ZNF438: variants seen among roughly 807,000 people sequenced by gnomAD.
ZNF438 encodes the protein zinc finger protein 438.
In ZNF438, 25 loss-of-function variants were observed where a neutral mutation model predicts 38.0. That is an observed-to-expected ratio of 0.66 (90% CI 0.48 to 0.92). The LOEUF is 0.92. Ranked by LOEUF, ZNF438 falls within the 40% of genes least tolerant of loss-of-function variation. The pLI is 0.00. For synonymous variants in ZNF438, 372 were observed against 364.1 expected (o/e 1.02, Z -0.25); for missense variants, 1,007 against 999.6 (o/e 1.01, Z -0.10).
intron 1 of ZNF438, among the ~76,000 whole-genome samples, chr10:30,960,580 T>G (rs2049352366): frequency 6.8e-6 from 1 of 147,054 alleles, no homozygotes; most frequent in Admixed American, 6.9e-5. Context: ...AATGTAAATG[T>G]TTATTTCTGG....
chr10:30,892,842 C>T (rs2040865357), intron 3 of ZNF438, among the ~76,000 whole-genome samples: 1 of 152,176 alleles, frequency 6.6e-6, no homozygotes, highest in Non-Finnish European at 1.5e-5. Flanking sequence ...TGAGAGTTTG[C>T]TATCTCAGCA....
At chr10:30,901,101 A>G (rs2041921087) in intron 3 of ZNF438, among the ~76,000 whole-genome samples, 1 of 152,208 alleles carries the variant, frequency 6.6e-6, no homozygotes, top group South Asian at 2.1e-4. Context: ...TACATTAGCA[A>G]TAAACACTAA....
At chr10:30,845,204 T>C (rs1242951252) in exon 6 of ZNF438, 1 of 1,614,210 alleles carries the variant, frequency 6.2e-7, no homozygotes. Flanking sequence ...TGTTGGTTCC[T>C]GACTGGGGTC....
At chr10:30,980,175 G>T (rs967197526) in intron 1 of ZNF438, among the ~76,000 whole-genome samples, 1 of 151,290 alleles carries the variant, frequency 6.6e-6, no homozygotes, top group Non-Finnish European at 1.5e-5. Flanking sequence ...TAGAACATGT[G>T]AGACAACGTT....
intron 1 of ZNF438, among the ~76,000 whole-genome samples, chr10:30,943,214 T>C (rs983080233): frequency 3.9e-5 from 6 of 152,112 alleles, no homozygotes; most frequent in African/African-American, 1.2e-4. Context: ...AGAACTTTAG[T>C]GCAGTTAGTC....
rs892212268 is a variant in ZNF438 at position 30,856,812 on chromosome 10, A to G, written c.38-6445T>C. 2.0e-4 allele frequency among the ~76,000 whole-genome samples: 31 copies of G among 152,250 alleles called. 1 individual carries two copies. The highest frequency in any genetic ancestry group is 2.0e-3 in the Admixed American group (30 of 15,292). On this transcript the variant is annotated intron_variant, in intron 4 of 5. Transcript: ENST00000413025. ...TTATTCAACAGGAATACTTAATATT[A>G]GGATCTTAAATATGGGCTGTTTTTA... is the stretch of plus-strand genomic sequence containing the variant.
intron 1 of ZNF438, among the ~76,000 whole-genome samples, chr10:30,970,929 G>C (rs1226153786): frequency 6.6e-6 from 1 of 152,168 alleles, no homozygotes; most frequent in Non-Finnish European, 1.5e-5. Flanking sequence ...CCTAAAAGTT[G>C]AGCAAGAATC....
At chr10:30,936,168 G>A (rs560354933) in intron 2 of ZNF438, among the ~76,000 whole-genome samples, 18 of 152,170 alleles carry the variant, frequency 1.2e-4, no homozygotes, top group Non-Finnish European at 2.2e-4. Flanking sequence ...TTATGACTTC[G>A]GTTTTTTTAA....
chr10:30,993,154 C>T (rs1236023226), intron 1 of ZNF438, among the ~76,000 whole-genome samples: 1 of 152,152 alleles, frequency 6.6e-6, no homozygotes, highest in Non-Finnish European at 1.5e-5. Flanking sequence ...GGCCTAGCAA[C>T]CATTTGCTAA....
chr10:30,922,862 C>T (rs2044475589), intron 2 of ZNF438, among the ~76,000 whole-genome samples: 1 of 151,514 alleles, frequency 6.6e-6, no homozygotes, highest in African/African-American at 2.4e-5. Context: ...AAAGAAAAAC[C>T]ATTGTCTAAA....
chr10:30,874,500 T>A (rs1050259103), intron 4 of ZNF438, among the ~76,000 whole-genome samples: 42 of 150,366 alleles, frequency 2.8e-4, no homozygotes, highest in African/African-American at 1.1e-3. Flanking sequence ...ATCTGATGCT[T>A]TTGTTAAAAA....
In ZNF438 at chr10:30,994,027, C is replaced by T. The variant is rs75434318; in HGVS notation, c.-192+37806G>A. On this transcript the variant is annotated intron_variant, in intron 1 of 5. Coordinates refer to ENST00000413025, the Ensembl canonical transcript of ZNF438. ...TTTTGGAATGGCAATGTCTGTCCTA[C>T]GCCTGCTCCACCACTATATTTTGGA... is the stretch of plus-strand genomic sequence containing the variant. Among the ~76,000 whole-genome samples the T allele has an allele frequency of 6.5e-4, 99 of 152,342 alleles. 1 individual carries two copies. Among genetic ancestry groups the T allele is most frequent in the African/African-American group, 1.6e-3 (68 of 41,586 alleles).
rs2042831395 is a variant in ZNF438, at chr10:30,908,970, ATCAAAATGT to A, written c.-78_-70del. 1 of 152,214 alleles carries A rather than the reference ATCAAAATGT, an allele frequency of 6.6e-6. No homozygotes were observed. Among genetic ancestry groups the A allele is most frequent in the Non-Finnish European group, 1.5e-5 (1 of 68,012 alleles). 9.4% of individuals were successfully genotyped at this position (152,214 alleles called of 1,614,324 possible). On this transcript the variant is annotated 5_prime_UTR_variant, in exon 3 of 6. It adds an upstream start codon to the 5' untranslated region. Coordinates refer to ENST00000413025, the Ensembl canonical transcript of ZNF438. ...TTGCATGAAGTTTGTGGTTAATTCC[ATCAAAATGT>A]TCAGAAGATAAGATGTGCGTACTTT...
At chr10:30,899,327 T>A (rs1387384983) in intron 3 of ZNF438, among the ~76,000 whole-genome samples, 1 of 152,212 alleles carries the variant, frequency 6.6e-6, no homozygotes. Flanking sequence ...ATCCACATCA[T>A]ACTTAGAAAC....
intron 1 of ZNF438, among the ~76,000 whole-genome samples, chr10:31,013,834 A>C (rs2133140880): frequency 6.6e-6 from 1 of 152,262 alleles, no homozygotes; most frequent in Non-Finnish European, 1.5e-5. Context: ...ATACATCCCC[A>C]GACTTTATGT....
At chr10:31,012,119 T>A (rs2055760265) in intron 1 of ZNF438, among the ~76,000 whole-genome samples, 1 of 147,318 alleles carries the variant, frequency 6.8e-6, no homozygotes, top group Non-Finnish European at 1.5e-5. Context: ...TCATTTTCTT[T>A]TTTTTTTTTC....
intron 3 of ZNF438, among the ~76,000 whole-genome samples, chr10:30,899,686 CTTTTG>C (rs1825604297): frequency 1.3e-5 from 2 of 151,786 alleles, no homozygotes; most frequent in African/African-American, 4.8e-5. Context: ...CAGAGTCAGA[CTTTTG>C]TTTTGACAAC....
intron 2 of ZNF438, among the ~76,000 whole-genome samples, chr10:30,940,896 A>T (rs1433303544): frequency 6.6e-6 from 1 of 152,052 alleles, no homozygotes; most frequent in East Asian, 1.9e-4. Flanking sequence ...AATAACTTAG[A>T]AAAGTTGTAT....
intron 4 of ZNF438, chr10:30,857,744 C>A: frequency 1.4e-6 from 2 of 1,401,808 alleles, no homozygotes; most frequent in Non-Finnish European, 1.9e-6. Context: ...CAACGTGTGT[C>A]CTCCTCCTCC....
Sources: allele counts gnomAD v4.1 joint callset (sites outside exome capture counted in the v4.1 genomes callset), GRCh38; gene constraint gnomAD v4.1.1; transcripts MANE v1.5; gene names NCBI Gene and HGNC (gene_info 2026-07-23, HGNC 2026-07-21).